Variants in ACACA observed in about 807,000 individuals in gnomAD.
ACACA encodes the protein acetyl-CoA carboxylase alpha.
In ACACA, 103 loss-of-function variants were observed where a neutral mutation model predicts 296.1. The observed-to-expected ratio is 0.35, with a 90% CI of 0.30 to 0.41. The LOEUF (loss-of-function observed/expected upper bound fraction) is 0.41, where lower values mean the gene tolerates loss of function less well. Ranked by LOEUF, ACACA falls within the 10% of genes least tolerant of loss-of-function variation. ACACA has a pLI of 1.00. For synonymous variants in ACACA, 953 were observed against 1,038.6 expected, an observed-to-expected ratio of 0.92 and a Z score of 1.58; for missense variants, 1,554 against 2,989.7, an observed-to-expected ratio of 0.52 and a Z score of 11.20.
chr17:37,336,265 C>T (rs1714619), intron 2 of ACACA, among the ~76,000 whole-genome samples: 1 of 152,122 alleles, frequency 6.6e-6, no homozygotes, highest in Non-Finnish European at 1.5e-5. Flanking sequence ...TGCACAACCT[C>T]TACTACGCCC....
chr17:37,392,870 T>C (rs561239435), intron 1 of ACACA, among the ~76,000 whole-genome samples: 1 of 152,134 alleles, frequency 6.6e-6, no homozygotes, highest in African/African-American at 2.4e-5. Flanking sequence ...GGGCCAGGCA[T>C]GGTGGCTCAC....
intron 39 of ACACA, 68 bp from the exon 40 acceptor site, chr17:37,181,424 C>A (rs1359720516): frequency 1.3e-6 from 2 of 1,554,558 alleles, no homozygotes; most frequent in East Asian, 2.2e-5. Flanking sequence ...CCTAGAGGGG[C>A]TTTTTTTGCA....
chr17:37,262,020 C>A (rs1045319693), intron 11 of ACACA, among the ~76,000 whole-genome samples: 1 of 151,900 alleles, frequency 6.6e-6, no homozygotes, highest in Non-Finnish European at 1.5e-5. Flanking sequence ...CCAGTAATAA[C>A]CCATCCAGTT....
chr17:37,174,020 A>ATATTTTTTTTTTT (rs552735515), intron 41 of ACACA, among the ~76,000 whole-genome samples: 2 of 16,794 alleles, frequency 1.2e-4, no homozygotes, highest in Non-Finnish European at 2.0e-4. Context: ...ATATATATAT[A>ATATTTTTTTTTTT]TTTTTTTTTT....
intron 41 of ACACA, among the ~76,000 whole-genome samples, chr17:37,166,291 C>T (rs1384530923): frequency 1.3e-5 from 2 of 151,846 alleles, no homozygotes; most frequent in Non-Finnish European, 2.9e-5. Flanking sequence ...TGTGTTACCA[C>T]CATGCCCAGC....
Position 37,191,174 on chromosome 17 carries a change from G to C in ACACA, c.4518C>G (p.Asp1506Glu). The C allele has an allele frequency of 6.2e-7, 1 of 1,614,130 alleles. No homozygotes were observed. The highest frequency in any genetic ancestry group is 8.5e-7 in the Non-Finnish European group (1 of 1,180,008). Residue 1506 changes from aspartate to glutamate, a missense_variant, in exon 38 of 56, where the codon GAC (aspartate) becomes GAG (glutamate). Around this residue, in one of 16 missense-constraint regions of ACACA, gnomAD observed 35 missense variants for 131.8 expected, o/e 0.27. Transcript: ENST00000616317. ...VAFNNTNVRT[D>E]CNHIFLNFVP... ...CAAAGTTGAGGAAGATGTGGTTACA[G>C]TCAGTGCGGACATTTGTATTGTTAA...
chr17:37,330,169 T>C lies in ACACA; in HGVS notation c.338+4A>G. 4 of 1,614,150 alleles carry C rather than the reference T, an allele frequency of 2.5e-6. No homozygotes were observed. The highest frequency in any genetic ancestry group is 1.1e-5 in the South Asian group (1 of 91,084). On this transcript the variant is annotated splice_donor_region_variant and intron_variant, in intron 3 of 55. Transcript: ENST00000616317. ...AATAAGTAGACCATTGAACTCTCTC[T>C]TACCTTATGTGCAAGGCCAAGCCAT...
At chr17:37,350,911 T>C (rs964571764) in intron 1 of ACACA, among the ~76,000 whole-genome samples, 13 of 152,012 alleles carry the variant, frequency 8.6e-5, no homozygotes, top group African/African-American at 3.1e-4. Context: ...GGTGGGCAGA[T>C]CACCTGAGGT....
intron 1 of ACACA, among the ~76,000 whole-genome samples, chr17:37,373,631 C>T (rs932327120): frequency 2.0e-5 from 3 of 152,154 alleles, no homozygotes; most frequent in Non-Finnish European, 4.4e-5. Flanking sequence ...CTTCATCTTT[C>T]GCCAAGCACA....
chr17:37,337,904 T>C (rs1381357739), intron 2 of ACACA, among the ~76,000 whole-genome samples: 1 of 151,950 alleles, frequency 6.6e-6, no homozygotes, highest in African/African-American at 2.4e-5. Flanking sequence ...AAGACCATCC[T>C]GGCTAACATG....
At chr17:37,154,658 G>A (rs945616238) in intron 43 of ACACA, among the ~76,000 whole-genome samples, 4 of 151,908 alleles carry the variant, frequency 2.6e-5, no homozygotes, top group African/African-American at 9.7e-5. Context: ...CACCAGGCCC[G>A]GCTAATTTGT....
intron 1 of ACACA, among the ~76,000 whole-genome samples, chr17:37,405,455 T>C (rs2051443919): frequency 6.6e-6 from 1 of 152,230 alleles, no homozygotes; most frequent in Non-Finnish European, 1.5e-5. Context: ...AAATATCCTA[T>C]CATATATTTA....
At chr17:37,138,862 G>GGGGAGGT (rs1485021392) in intron 45 of ACACA, among the ~76,000 whole-genome samples, 1 of 152,210 alleles carries the variant, frequency 6.6e-6, no homozygotes, top group East Asian at 1.9e-4. Flanking sequence ...GTGAGTAATG[G>GGGGAGGT]GGGAGGTGGG....
chr17:37,404,477 C>G (rs533154290), intron 1 of ACACA, among the ~76,000 whole-genome samples: 1 of 151,874 alleles, frequency 6.6e-6, no homozygotes, highest in East Asian at 1.9e-4. Context: ...CTCAGTCTCT[C>G]GAGTAGCTGG....
Position 37,191,144 on chromosome 17 carries a change from G to A in ACACA, c.4548C>T (p.Pro1516=). ...DCNHIFLNFV[P]TVIMDPSKIE... is the part of the protein sequence containing the mutation. ...CCTTTGATGGGTCCATGATAACCGT[G>A]GGCACAAAGTTGAGGAAGATGTGGT... The change falls in exon 38 of 56, where the codon CCC becomes CCT. Residue 1516 remains proline, a synonymous_variant. Transcript: ENST00000616317. 1.2e-6 allele frequency: 2 copies of A among 1,614,056 alleles called. No individual in the cohort carries two copies. Among genetic ancestry groups the A allele is most frequent in the Non-Finnish European group, 1.7e-6 (2 of 1,179,998 alleles).
rs2049971052 is a variant in ACACA, at chr17:37,375,599, T to A, written c.38+30663A>T. On this transcript the variant is annotated intron_variant, in intron 1 of 55. Coordinates refer to ENST00000616317, the MANE Select transcript of ACACA (RefSeq NM_198834.3). ...TGATAGCTCATAAAAGGGCCTGTAC[T>A]AGAACTCAATTGTACTGACTCCTAG... Among the ~76,000 whole-genome samples, 4 of 152,298 alleles carry A rather than the reference T, an allele frequency of 2.6e-5. No homozygotes were observed. The South Asian group carries it at 8.3e-4, about 32-fold the overall frequency.
intron 39 of ACACA, among the ~76,000 whole-genome samples, chr17:37,186,438 A>G (rs1488390920): frequency 6.6e-6 from 1 of 152,222 alleles, no homozygotes; most frequent in Non-Finnish European, 1.5e-5. Context: ...GTCAATCAAT[A>G]TTAAATTAAA....
intron 29 of ACACA, among the ~76,000 whole-genome samples, chr17:37,215,236 C>T (rs983129740): frequency 6.6e-6 from 1 of 152,098 alleles, no homozygotes; most frequent in Non-Finnish European, 1.5e-5. Context: ...CAGTGGAATC[C>T]GACTTAACTA....
chr17:37,325,564 T>G (rs1419467093), intron 3 of ACACA, among the ~76,000 whole-genome samples: 1 of 149,734 alleles, frequency 6.7e-6, no homozygotes, highest in Non-Finnish European at 1.5e-5. Flanking sequence ...CTTAGGGTCT[T>G]ATTTTCTTTT....
Sources: gnomAD v4.1 joint callset for allele counts (sites outside exome capture counted in the v4.1 genomes callset) on GRCh38, gnomAD v4.1.1 for gene constraint, gnomAD v4.1.1 regional missense constraint, MANE v1.5 for transcripts, NCBI Gene and HGNC (gene_info 2026-07-23, HGNC 2026-07-21) for gene names.